Variants in WDR33 observed in about 807,000 individuals in gnomAD.
The protein encoded by WDR33 is pre-mRNA 3' end processing protein WDR33.
In WDR33, 47 loss-of-function variants were observed where a neutral mutation model predicts 164.9. That is an observed-to-expected ratio of 0.29 (90% CI 0.23 to 0.36). The LOEUF (loss-of-function observed/expected upper bound fraction) is 0.36. WDR33 is among the 10% of genes least tolerant of loss of function. The pLI is 1.00. For missense variants in WDR33, 1,137 were observed against 1,754.1 expected (o/e 0.65, Z 6.28); for synonymous variants, 505 against 589.0 (o/e 0.86, Z 2.06).
rs111290973 is a variant in WDR33, at chr2:127,809,054, G to A, written c.-24+1958C>T. ...CTCAAAAAAAAAAAAAAAAAAAAAA[G>A]AATTCCAGAAACACATTTATAAGTG... is the stretch of plus-strand genomic sequence containing the variant. On this transcript the variant is annotated intron_variant, in intron 1 of 21. Transcript: ENST00000322313. Among the ~76,000 whole-genome samples the A allele has an allele frequency of 9.5e-3, 905 of 95,524 alleles. 9 individuals carry two copies. The highest frequency in any genetic ancestry group is 0.013 in the Non-Finnish European group (562 of 44,194). 62.7% of individuals were successfully genotyped at this position (95,524 alleles called of 152,430 possible).
At position 127,718,763 on chromosome 2, in the gene WDR33, G is replaced by A. The variant is rs145874113; in HGVS notation, c.2760+502C>T. Among the ~76,000 whole-genome samples, 197 of 152,330 alleles carry A rather than the reference G, an allele frequency of 1.3e-3. No homozygotes were observed. The highest frequency in any genetic ancestry group is 4.4e-3 in the African/African-American group (183 of 41,570). ...TGTAATAAACAGAGTGAGGTACAGA[G>A]TCTATAGTATACTCATGAGTTAAAT... is the stretch of plus-strand genomic sequence containing the variant. On this transcript the variant is annotated intron_variant, in intron 16 of 21. Coordinates refer to ENST00000322313, the MANE Select transcript of WDR33 (RefSeq NM_018383.5). This position sits in a 1 kb window ranked among gnomAD's most constrained non-coding sequence, Gnocchi z 4.4.
chr2:127,795,505 T>C (rs1558961447), intron 1 of WDR33, among the ~76,000 whole-genome samples: 1 of 151,880 alleles, frequency 6.6e-6, no homozygotes, highest in African/African-American at 2.4e-5. Flanking sequence ...TTTTAGTCCA[T>C]AACAATGGAC....
intron 4 of WDR33, among the ~76,000 whole-genome samples, chr2:127,766,638 C>A (rs1687829867): frequency 1.3e-5 from 2 of 152,062 alleles, no homozygotes; most frequent in African/African-American, 4.8e-5. Context: ...GGATTTTATT[C>A]TTTTCAAAAA....
chr2:127,735,951 G>GA lies in WDR33; in HGVS notation c.725-9175dup. The GA allele has an allele frequency of 6.1e-6, 6 of 985,430 alleles. No homozygotes were observed. The highest frequency in any genetic ancestry group is 7.2e-6 in the Non-Finnish European group (6 of 829,918). 61.0% of individuals were successfully genotyped at this position (985,430 alleles called of 1,614,324 possible). On this transcript the variant is annotated intron_variant, in intron 7 of 21. Coordinates refer to ENST00000322313, the MANE Select transcript of WDR33 (RefSeq NM_018383.5). The surrounding 1 kb of genome is among the most constrained non-coding windows in gnomAD (Gnocchi z 4.3). Reference sequence around the variant, plus strand: ...AGAATTAAATGGAAAGTTAATTCTGGAAAGGGGGTATGCCTAGGCAGGGCA... The same window carrying GA: ...AGAATTAAATGGAAAGTTAATTCTGGAAAAGGGGGTATGCCTAGGCAGGGCA...
At position 127,738,008 on chromosome 2, in the gene WDR33, C is replaced by T; in HGVS notation, c.725-11231G>A. 6.2e-7 allele frequency: 1 copy of T among 1,613,092 alleles called. No homozygotes were observed. The highest frequency in any genetic ancestry group is 8.5e-7 in the Non-Finnish European group (1 of 1,179,552). ...AACTTTGTCCACCTACTGTTATTCA[C>T]CTCTTGACAGAAAGGAAGTAACAAC... On this transcript the variant is annotated intron_variant, in intron 7 of 21. Coordinates refer to ENST00000322313, the MANE Select transcript of WDR33 (RefSeq NM_018383.5). The surrounding 1 kb of genome is among the most constrained non-coding windows in gnomAD (Gnocchi z 4.4).
chr2:127,724,511 A>C lies in WDR33; in HGVS notation c.1086-68T>G. ...CCCAGCTTCTCCCTCCCCCTCAAAA[A>C]AGACATTTTCTGTTACTCTTAAAAT... is the stretch of plus-strand genomic sequence containing the variant. On this transcript the variant is annotated intron_variant, in intron 10 of 21. Transcript: ENST00000322313. This position sits in a 1 kb window ranked among gnomAD's most constrained non-coding sequence, Gnocchi z 4.8. 1 of 1,371,560 alleles carries C rather than the reference A, an allele frequency of 7.3e-7. No individual in the cohort carries two copies. The highest frequency in any genetic ancestry group is 1.0e-6 in the Non-Finnish European group (1 of 967,448). The allele number at this position is 1,371,560 out of a possible 1,614,324, so 85.0% of individuals were successfully genotyped here. A position where few individuals can be genotyped will look rare whatever the true frequency, so the allele number is the denominator to read the frequency against.
chr2:127,706,513 G>C lies in WDR33; in HGVS notation c.3821C>G (p.Ser1274Cys). The change falls in exon 22 of 22, where the codon TCT (serine) becomes TGT (cysteine). Residue 1274 changes from serine (S) to cysteine (C), a missense_variant. Ser to Cys is a moderately radical substitution (Grantham distance 112). Around this residue, in one of 9 missense-constraint regions of WDR33, gnomAD observed 867 missense variants for 1,073.0 expected, o/e 0.81. Coordinates refer to ENST00000322313, the MANE Select transcript of WDR33 (RefSeq NM_018383.5). This position sits in a 1 kb window ranked among gnomAD's most constrained non-coding sequence, Gnocchi z 5.1. The stretch of plus-strand genomic sequence containing the variant: ...TCCGTCTAAGGAGCTGGAACGCCCA[G>C]ATTTGGGCACTCTCTGAGCAGGTCC... Reference protein sequence around the residue: ...GPGPAQRVPKSGRSSSLDGEH... With the variant: ...GPGPAQRVPKCGRSSSLDGEH... 1 of 1,613,294 alleles carries C rather than the reference G, an allele frequency of 6.2e-7. No homozygotes were observed. The highest frequency in any genetic ancestry group is 8.5e-7 in the Non-Finnish European group (1 of 1,179,640).
At chr2:127,746,299 T>C (rs1345203758) in intron 7 of WDR33, among the ~76,000 whole-genome samples, 1 of 152,200 alleles carries the variant, frequency 6.6e-6, no homozygotes, top group African/African-American at 2.4e-5. Flanking sequence ...GATAATCATA[T>C]TCCAATACTA....
intron 7 of WDR33, among the ~76,000 whole-genome samples, chr2:127,729,435 TAAAG>T (rs998066874): frequency 2.0e-5 from 3 of 151,660 alleles, no homozygotes; most frequent in African/African-American, 7.3e-5. Context: ...TCTCTATACA[TAAAG>T]ACTCAGTGAA....
chr2:127,743,131 T>C (rs899409547), intron 7 of WDR33, among the ~76,000 whole-genome samples: 10 of 152,168 alleles, frequency 6.6e-5, no homozygotes, highest in African/African-American at 2.4e-4. Context: ...CTGAGAAAAA[T>C]GTTTGAGGAT....
Position 127,779,975 on chromosome 2 carries a change from ATTT to A in WDR33, c.-23-8974_-23-8972del, listed in dbSNP as rs1201664053. 7.3e-3 allele frequency among the ~76,000 whole-genome samples: 1,035 copies of A among 142,716 alleles called. 8 individuals are homozygous for A. Among genetic ancestry groups the A allele is most frequent in the African/African-American group, 0.025 (980 of 38,572 alleles). 93.6% of individuals were successfully genotyped at this position (142,716 alleles called of 152,430 possible). A position where few individuals can be genotyped will look rare whatever the true frequency, so the allele number is the denominator to read the frequency against. On this transcript the variant is annotated intron_variant, in intron 1 of 21. Coordinates refer to ENST00000322313, the MANE Select transcript of WDR33 (RefSeq NM_018383.5). The stretch of plus-strand genomic sequence containing the variant: ...TAAAAATAATAAAAAGGTTTTTTTG[ATTT>A]TTTTTTTTTTTTTGAGACGGAGTCT...
Position 127,724,348 on chromosome 2 carries a change from G to C in WDR33, c.1181C>G (p.Ser394Ter). The C allele has an allele frequency of 6.2e-7, 1 of 1,613,936 alleles. No individual in the cohort carries two copies. The highest frequency in any genetic ancestry group is 8.5e-7 in the Non-Finnish European group (1 of 1,179,898). Residue 394 changes from serine (S) to a stop codon, truncating the protein, a stop_gained, in exon 11 of 22, where the codon TCA becomes TGA. Coordinates refer to ENST00000322313, the MANE Select transcript of WDR33 (RefSeq NM_018383.5). LOFTEE classifies it high-confidence loss of function. The surrounding 1 kb of genome is among the most constrained non-coding windows in gnomAD (Gnocchi z 4.8). The part of the protein sequence containing the change: ...HPLGHILCSG[S>*]NDHTSKFWTR... Reference sequence around the variant, plus strand: ...TAAAGCTTACCTAGTATGGTCATTTGAGCCTGAGCAGAGAATATGCCCAAG... The same window carrying C: ...TAAAGCTTACCTAGTATGGTCATTTCAGCCTGAGCAGAGAATATGCCCAAG...
chr2:127,765,793 T>TTA (rs1687803062), intron 4 of WDR33, among the ~76,000 whole-genome samples: 1 of 149,778 alleles, frequency 6.7e-6, no homozygotes, highest in South Asian at 2.1e-4. Flanking sequence ...CTAAACATAT[T>TTA]TAAAAAAAAA....
intron 7 of WDR33, among the ~76,000 whole-genome samples, chr2:127,730,435 G>T (rs978953009): frequency 6.6e-6 from 1 of 151,560 alleles, no homozygotes; most frequent in African/African-American, 2.4e-5. Flanking sequence ...AAGACCAGAA[G>T]AAATTCATCC....
chr2:127,763,492 A>G lies in WDR33; in HGVS notation c.627-333T>C, dbSNP rs1253155508. The G allele has an allele frequency of 9.4e-7, 1 of 1,067,828 alleles. No individual in the cohort carries two copies. The highest frequency in any genetic ancestry group is 1.1e-6 in the Non-Finnish European group (1 of 880,638). 66.1% of individuals were successfully genotyped at this position (1,067,828 alleles called of 1,614,324 possible). ...TGCCTTAAGTGGTGAAAATAAATGG[A>G]TTCTATTTTTGCAGTATTCCTGCAG... On this transcript the variant is annotated intron_variant, in intron 6 of 21. Transcript: ENST00000322313. This position sits in a 1 kb window ranked among gnomAD's most constrained non-coding sequence, Gnocchi z 4.5.
In WDR33 at chr2:127,770,087, C is replaced by T. The variant is rs1049039490; in HGVS notation, c.204+691G>A. On this transcript the variant is annotated intron_variant, in intron 2 of 21. Coordinates refer to ENST00000322313, the MANE Select transcript of WDR33 (RefSeq NM_018383.5). The surrounding 1 kb of genome is among the most constrained non-coding windows in gnomAD (Gnocchi z 4.9). Reference sequence around the variant, plus strand: ...CCATGTTCTCCAAGCCAGTGTCTCACAAAAATATTCCTATGTTGGTAGTCT... The same window carrying T: ...CCATGTTCTCCAAGCCAGTGTCTCATAAAAATATTCCTATGTTGGTAGTCT... Among the ~76,000 whole-genome samples the T allele has an allele frequency of 1.3e-5, 2 of 152,162 alleles. No homozygotes were observed. Among genetic ancestry groups the T allele is most frequent in the African/African-American group, 4.8e-5 (2 of 41,430 alleles).
At chr2:127,784,758 TTTACTC>T (rs1688502557) in intron 1 of WDR33, among the ~76,000 whole-genome samples, 1 of 152,192 alleles carries the variant, frequency 6.6e-6, no homozygotes, top group South Asian at 2.1e-4. Context: ...GAATGGAACT[TTTACTC>T]ATGCATGATT....
In WDR33 at chr2:127,776,709, A is replaced by G. The variant is rs192990600; in HGVS notation, c.-23-5705T>C. ...TGAGACCCCATCTCAAAAAAAGAAA[A>G]AATATTTGAGCAAAAATGATACAAT... is the stretch of plus-strand genomic sequence containing the variant. On this transcript the variant is annotated intron_variant, in intron 1 of 21. Transcript: ENST00000322313. Among the ~76,000 whole-genome samples, 270 of 152,278 alleles carry G rather than the reference A, an allele frequency of 1.8e-3. 3 individuals carry two copies. Among genetic ancestry groups the G allele is most frequent in the Non-Finnish European group, 3.4e-3 (229 of 68,020 alleles).
intron 7 of WDR33, chr2:127,737,329 G>A (rs1686874718): frequency 3.0e-6 from 3 of 985,290 alleles, no homozygotes; most frequent in Non-Finnish European, 3.6e-6. Flanking sequence ...AAAGTCCGCT[G>A]TAAGAAAGAG....
Sources: allele counts gnomAD v4.1 joint callset (sites outside exome capture counted in the v4.1 genomes callset), GRCh38; gene constraint gnomAD v4.1.1; regional missense constraint gnomAD v4.1.1; non-coding constraint Gnocchi (gnomAD v3.1); transcripts MANE v1.5; gene names NCBI Gene and HGNC (gene_info 2026-07-23, HGNC 2026-07-21).